KIF2C: variants seen among roughly 807,000 people sequenced by gnomAD.
The protein encoded by KIF2C is kinesin-like protein KIF2C.
In KIF2C, 34 loss-of-function variants were observed where a neutral mutation model predicts 97.4. That is an observed-to-expected ratio of 0.35 (90% CI 0.27 to 0.46). The LOEUF (loss-of-function observed/expected upper bound fraction) is 0.46, where lower values mean the gene tolerates loss of function less well. Among genes scored for constraint, KIF2C ranks in the 20% least tolerant of loss-of-function variants. The probability of loss-of-function intolerance (pLI) is 1.00; values close to 1 mark genes in which losing one functional copy is unlikely to be tolerated. For synonymous variants in KIF2C, 313 were observed against 318.2 expected (o/e 0.98, Z 0.17); for missense variants, 750 against 907.6 (o/e 0.83, Z 2.23).
Position 44,753,796 on chromosome 1 carries a change from A to G in KIF2C, c.626A>G (p.Lys209Arg). 1.9e-6 allele frequency: 3 copies of G among 1,612,798 alleles called. No homozygotes were observed. The highest frequency in any genetic ancestry group is 2.5e-6 in the Non-Finnish European group (3 of 1,179,402). Residue 209 changes from lysine (K) to arginine (R), a missense_variant, in exon 7 of 21, where the codon AAG (lysine) becomes AGG (arginine). Physicochemically the swap from Lys to Arg is conservative, Grantham distance 26 (BLOSUM62 2). Transcript: ENST00000372224. Reference protein sequence around the residue: ...EKMKNKREEKKAQNSEMRMKR... With the variant: ...EKMKNKREEKRAQNSEMRMKR... ...ATGAAGAACAAGCGAGAAGAGAAGA[A>G]GGCCCAGAACTCTGAAATGAGAATG...
At chr1:44,758,012 A>G (rs1649930877) in intron 12 of KIF2C, 37 bp from the exon 13 acceptor site, 2 of 1,613,934 alleles carry the variant, frequency 1.2e-6, no homozygotes, top group Non-Finnish European at 1.7e-6. Context: ...GGGCACAGAA[A>G]GGCAGGTTGT....
At position 44,767,119 on chromosome 1, in the gene KIF2C, G is replaced by A; in HGVS notation, c.2118G>A (p.Leu706=). Reference sequence around the variant, plus strand: ...CAGATGTCATCAAGGCCTTGCGCCTGGCCATGCAGCTGGAAGAGCAGGCTA... The same window carrying A: ...CAGATGTCATCAAGGCCTTGCGCCTAGCCATGCAGCTGGAAGAGCAGGCTA... ...ALRDVIKALR[L]AMQLEEQASR... The change falls in exon 21 of 21, where the codon CTG becomes CTA. Residue 706 remains leucine, a synonymous_variant. Transcript: ENST00000372224. 1 of 1,614,132 alleles carries A rather than the reference G, an allele frequency of 6.2e-7. No individual in the cohort carries two copies. The highest frequency in any genetic ancestry group is 8.5e-7 in the Non-Finnish European group (1 of 1,180,012).
At chr1:44,742,375 C>T (rs1443555166) in intron 2 of KIF2C, among the ~76,000 whole-genome samples, 2 of 151,524 alleles carry the variant, frequency 1.3e-5, no homozygotes, top group East Asian at 2.0e-4. Flanking sequence ...TCCCAAAGTG[C>T]TGGGATTACA....
At chr1:44,756,322 C>A in intron 10 of KIF2C, 85 bp downstream of exon 10, 2 of 1,354,038 alleles carry the variant, frequency 1.5e-6, no homozygotes, top group South Asian at 1.3e-5. Flanking sequence ...TACTCACAGA[C>A]GTGCTGAATT....
At chr1:44,747,578 A>G in intron 3 of KIF2C, 74 bp from the exon 4 acceptor site, 1 of 1,566,020 alleles carries the variant, frequency 6.4e-7, no homozygotes. Flanking sequence ...ATTTTAGCAT[A>G]GTACATGGGC....
chr1:44,745,766 G>A (rs909103636), intron 2 of KIF2C, among the ~76,000 whole-genome samples: 38 of 150,552 alleles, frequency 2.5e-4, no homozygotes, highest in African/African-American at 5.9e-4. Flanking sequence ...CACCACGCCC[G>A]GCCTATATAT....
intron 19 of KIF2C, among the ~76,000 whole-genome samples, chr1:44,764,249 C>T (rs973390221): frequency 5.3e-5 from 8 of 152,148 alleles, no homozygotes; most frequent in Non-Finnish European, 1.2e-4. Context: ...AATCTTGGCT[C>T]ACTGCAGCCT....
Position 44,766,234 on chromosome 1 carries a change from CAAT to C in KIF2C, c.1972-589_1972-587del, listed in dbSNP as rs1434004098. Among the ~76,000 whole-genome samples the C allele has an allele frequency of 2.6e-5, 4 of 151,180 alleles. No individual in the cohort carries two copies. The East Asian group carries it at 7.9e-4, about 30-fold the overall frequency. On this transcript the variant is annotated intron_variant, in intron 19 of 20. Coordinates refer to ENST00000372224, the MANE Select transcript of KIF2C (RefSeq NM_006845.4). ...CAGAGTGAGACTCCATCTCAAAAAA[CAAT>C]AAAAATAAAATCACTCAAATTTCTA... is the stretch of plus-strand genomic sequence containing the variant.
At chr1:44,746,682 T>G (rs563042386) in intron 2 of KIF2C, 143 of 1,591,482 alleles carry the variant, frequency 9.0e-5, no homozygotes, top group Non-Finnish European at 1.2e-4. Flanking sequence ...CCTGCCTGTC[T>G]GCCCTCCTCT....
chr1:44,743,122 C>G (rs1649018166), intron 2 of KIF2C, among the ~76,000 whole-genome samples: 1 of 152,202 alleles, frequency 6.6e-6, no homozygotes, highest in Non-Finnish European at 1.5e-5. Context: ...ATGTCTGGCA[C>G]TGAGCTGGTT....
chr1:44,753,723 G>C lies in KIF2C; in HGVS notation c.563-10G>C. On this transcript the variant is annotated splice_polypyrimidine_tract_variant and intron_variant, in intron 6 of 20. Coordinates refer to ENST00000372224, the MANE Select transcript of KIF2C (RefSeq NM_006845.4). ...TCCTTTTTTTTTCTTTTTTTTTTAT[G>C]TTTTCATAGTTCGGAGGAAATCATG... 6.6e-7 allele frequency: 1 copy of C among 1,516,372 alleles called. No homozygotes were observed. The highest frequency in any genetic ancestry group is 1.2e-5 in the South Asian group (1 of 82,782). 93.9% of individuals were successfully genotyped at this position (1,516,372 alleles called of 1,614,324 possible).
chr1:44,764,870 G>A (rs11808189), intron 19 of KIF2C, among the ~76,000 whole-genome samples: 68,509 of 151,952 alleles, frequency 0.45, 16,169 homozygotes, highest in African/African-American at 0.59. Context: ...CTGTAATCCT[G>A]TCACTTTGGG....
Position 44,750,592 on chromosome 1 carries a change from C to T in KIF2C, c.439+28C>T, listed in dbSNP as rs1308339758. The T allele has an allele frequency of 2.0e-6, 3 of 1,496,602 alleles. No homozygotes were observed. The African/African-American group carries it at 4.2e-5, about 21-fold the overall frequency. 92.7% of individuals were successfully genotyped at this position (1,496,602 alleles called of 1,614,324 possible). A position where few individuals can be genotyped will look rare whatever the true frequency, so the allele number is the denominator to read the frequency against. ...GAGTAACGAATGTGCCCCCAACCAC[C>T]ATGTTTGAGGCCCTGGAGCACATTG... On this transcript the variant is annotated intron_variant, in intron 5 of 20. Coordinates refer to ENST00000372224, the MANE Select transcript of KIF2C (RefSeq NM_006845.4).
chr1:44,760,737 A>G lies in KIF2C; in HGVS notation c.1683+35A>G. 6.5e-7 allele frequency: 1 copy of G among 1,538,784 alleles called. No homozygotes were observed. Among genetic ancestry groups the G allele is most frequent in the African/African-American group, 1.4e-5 (1 of 73,574 alleles). On this transcript the variant is annotated intron_variant, in intron 16 of 20. Coordinates refer to ENST00000372224, the MANE Select transcript of KIF2C (RefSeq NM_006845.4). This position sits in a 1 kb window ranked among gnomAD's most constrained non-coding sequence, Gnocchi z 4.2. ...GTCACTTTGAAGGTGATGGTACAGGAGGAGACAGAGTTGCTTTCCACAGAG... is the reference window on the plus strand; with the variant it reads ...GTCACTTTGAAGGTGATGGTACAGGGGGAGACAGAGTTGCTTTCCACAGAG...
chr1:44,757,372 G>T (rs372613361), intron 10 of KIF2C, among the ~76,000 whole-genome samples, 184 bp from the exon 11 acceptor site: 17 of 152,316 alleles, frequency 1.1e-4, no homozygotes, highest in African/African-American at 4.1e-4. Flanking sequence ...CCCACTGCCA[G>T]TTTGCTAGGA....
chr1:44,762,128 G>A, intron 17 of KIF2C, 145 bp downstream of exon 17: 2 of 873,738 alleles, frequency 2.3e-6, no homozygotes, highest in Non-Finnish European at 3.8e-6. Context: ...GTTCCGCCGT[G>A]ATGCTAGGTC....
intron 5 of KIF2C, among the ~76,000 whole-genome samples, chr1:44,750,908 T>C (rs1392486088): frequency 6.6e-6 from 1 of 152,140 alleles, no homozygotes; most frequent in Non-Finnish European, 1.5e-5. Context: ...GGGGCATGTT[T>C]TCCTGTGGCC....
rs1650532706 is a variant in KIF2C, at chr1:44,767,445, G to A, written c.*266G>A. 2 of 388,770 alleles carry A rather than the reference G, an allele frequency of 5.1e-6. No homozygotes were observed. Among genetic ancestry groups the A allele is most frequent in the Non-Finnish European group, 9.8e-6 (2 of 204,058 alleles). The allele number at this position is 388,770 out of a possible 1,614,324, so 24.1% of individuals were successfully genotyped here. A position where few individuals can be genotyped will look rare whatever the true frequency, so the allele number is the denominator to read the frequency against. On this transcript the variant is annotated 3_prime_UTR_variant, in exon 21 of 21. Transcript: ENST00000372224. ...TTGTGTTGCCCTTCTTTCCATCAAGGGGAATGTTCTCAGCATAGAGCTTTC... is the reference window on the plus strand; with the variant it reads ...TTGTGTTGCCCTTCTTTCCATCAAGAGGAATGTTCTCAGCATAGAGCTTTC...
Position 44,758,078 on chromosome 1 carries a change from C to G in KIF2C, c.1162C>G (p.Pro388Ala), listed in dbSNP as rs774205928. Residue 388 changes from proline (P) to alanine (A), a missense_variant, in exon 13 of 21, where the codon CCC becomes GCC. Coordinates refer to ENST00000372224, the MANE Select transcript of KIF2C (RefSeq NM_006845.4). ...GGACGTCTTCCTCCTGAAGAATCAA[C>G]CCTGCTACCGGAAGTTGGGCCTGGA... The part of the protein sequence containing the change: ...SRDVFLLKNQ[P>A]CYRKLGLEVY... 29 of 1,614,204 alleles carry G rather than the reference C, an allele frequency of 1.8e-5. 1 individual carries two copies. In the South Asian group the frequency reaches 3.2e-4, roughly 18 times the overall value.
Sources: gnomAD v4.1 joint callset for allele counts (sites outside exome capture counted in the v4.1 genomes callset) on GRCh38, gnomAD v4.1.1 for gene constraint, Gnocchi (gnomAD v3.1) non-coding constraint, MANE v1.5 for transcripts, NCBI Gene and HGNC (gene_info 2026-07-23, HGNC 2026-07-21) for gene names.